Variants in GRM1 observed in about 807,000 individuals in gnomAD.
The protein encoded by GRM1 is glutamate metabotropic receptor 1.
Under a neutral mutation model 90.9 loss-of-function variants are expected in GRM1, and 33 were observed. The ratio of observed to expected loss-of-function variants is 0.36; its 90% CI spans 0.28 to 0.49. GRM1 has a LOEUF of 0.49. Ranked by LOEUF, GRM1 falls within the 20% of genes least tolerant of loss-of-function variation. GRM1 has a pLI of 0.99. For synonymous variants in GRM1, 700 were observed against 613.2 expected, an observed-to-expected ratio of 1.14 and a Z score of -2.09; for missense variants, 1,190 against 1,534.3, an observed-to-expected ratio of 0.78 and a Z score of 3.75.
chr6:146,270,098 G>A (rs1167213001), intron 2 of GRM1, among the ~76,000 whole-genome samples: 1 of 151,858 alleles, frequency 6.6e-6, no homozygotes, highest in Non-Finnish European at 1.5e-5. Context: ...CCATCACAAG[G>A]GCCTGCTAGC....
chr6:146,434,428 C>T lies in GRM1; in HGVS notation c.3217C>T (p.Gln1073Ter). Residue 1073 changes from glutamine to a stop codon, truncating the protein, a stop_gained, in exon 8 of 8, where the codon CAG becomes TAG. Transcript: ENST00000282753. LOFTEE classifies it high-confidence loss of function. ...RSLYPPPPPP[Q>*]HLQMLPLQLS... ...CCTGTACCCGCCCCCGCCACCTCCG[C>T]AGCACCTGCAGATGCTGCCGCTGCA... is the stretch of plus-strand genomic sequence containing the variant. 1 of 1,613,806 alleles carries T rather than the reference C, an allele frequency of 6.2e-7. No individual in the cohort carries two copies. Among genetic ancestry groups the T allele is most frequent in the Non-Finnish European group, 8.5e-7 (1 of 1,179,904 alleles).
Position 146,434,080 on chromosome 6 carries a change from G to C in GRM1, c.2869G>C (p.Val957Leu). ...TACCAGCACCAAGACCCTTTACAACGTAGAGGAGGAGGAGGATGCCCAGCC... is the reference window on the plus strand; with the variant it reads ...TACCAGCACCAAGACCCTTTACAACCTAGAGGAGGAGGAGGATGCCCAGCC... ...SDTSTKTLYN[V>L]EEEEDAQPIR... Residue 957 changes from valine (V) to leucine (L), a missense_variant, in exon 8 of 8, where the codon GTA becomes CTA. By Grantham distance (32) the Val-to-Leu change is conservative (BLOSUM62 1). Coordinates refer to ENST00000282753, the MANE Select transcript of GRM1 (RefSeq NM_001278064.2). The C allele has an allele frequency of 6.2e-7, 1 of 1,614,152 alleles. No homozygotes were observed. Among genetic ancestry groups the C allele is most frequent in the Non-Finnish European group, 8.5e-7 (1 of 1,180,012 alleles).
chr6:146,343,443 G>C (rs886209363), intron 3 of GRM1, among the ~76,000 whole-genome samples: 3 of 151,976 alleles, frequency 2.0e-5, no homozygotes, highest in African/African-American at 7.3e-5. Context: ...AAATTCTCCT[G>C]TGTAGATTTG....
chr6:146,032,974 C>A (rs1204773787), intron 1 of GRM1, among the ~76,000 whole-genome samples: 1 of 151,820 alleles, frequency 6.6e-6, no homozygotes, highest in African/African-American at 2.4e-5. Context: ...GTGTTTTAAC[C>A]AGTTACAATT....
intron 2 of GRM1, among the ~76,000 whole-genome samples, chr6:146,210,231 G>A (rs1379446465): frequency 6.6e-6 from 1 of 152,138 alleles, no homozygotes; most frequent in African/African-American, 2.4e-5. Context: ...CGGAAGCTTT[G>A]CAATTTGTCC....
intron 1 of GRM1, among the ~76,000 whole-genome samples, chr6:146,056,428 T>C (rs575685765): frequency 3.3e-5 from 5 of 152,258 alleles, no homozygotes; most frequent in South Asian, 4.1e-4. Flanking sequence ...CAGCAACTAA[T>C]TAATTTTTTG....
At chr6:146,239,071 A>G (rs1780754671) in intron 2 of GRM1, among the ~76,000 whole-genome samples, 1 of 152,186 alleles carries the variant, frequency 6.6e-6, no homozygotes, top group African/African-American at 2.4e-5. Context: ...ATATCATGCC[A>G]TTCTTCTACA....
At chr6:146,395,949 G>A (rs781739560) in intron 6 of GRM1, among the ~76,000 whole-genome samples, 54 of 151,994 alleles carry the variant, frequency 3.6e-4, no homozygotes, top group Non-Finnish European at 8.8e-5. Context: ...ATTCACTGTG[G>A]TATTTTATCT....
intron 1 of GRM1, among the ~76,000 whole-genome samples, chr6:146,052,332 G>A (rs543950407): frequency 4.3e-4 from 66 of 151,746 alleles, no homozygotes; most frequent in Non-Finnish European, 3.1e-4. Flanking sequence ...TTTGTTTAGG[G>A]CACTGGTTGT....
intron 1 of GRM1, among the ~76,000 whole-genome samples, chr6:146,105,222 G>T (rs908071705): frequency 2.6e-5 from 4 of 152,062 alleles, no homozygotes; most frequent in African/African-American, 9.7e-5. Context: ...TGATTGTCCT[G>T]GGTTGAGAAA....
chr6:146,215,176 C>T (rs1025664657), intron 2 of GRM1, among the ~76,000 whole-genome samples: 7 of 152,144 alleles, frequency 4.6e-5, no homozygotes, highest in Non-Finnish European at 7.3e-5. Flanking sequence ...GTCTGGCTTT[C>T]CAGAGTAACC....
chr6:146,380,712 A>G (rs954152088), intron 5 of GRM1, among the ~76,000 whole-genome samples: 4 of 152,018 alleles, frequency 2.6e-5, no homozygotes, highest in Non-Finnish European at 4.4e-5. Flanking sequence ...CATATCCACC[A>G]CAGCTGGTAA....
intron 2 of GRM1, among the ~76,000 whole-genome samples, chr6:146,245,828 A>G (rs1040546680): frequency 1.3e-5 from 2 of 152,184 alleles, no homozygotes; most frequent in Non-Finnish European, 2.9e-5. Context: ...TCAACTGTCT[A>G]TTATTTGTGG....
chr6:146,311,443 A>G (rs981728869), intron 3 of GRM1, among the ~76,000 whole-genome samples: 2 of 152,234 alleles, frequency 1.3e-5, no homozygotes, highest in Non-Finnish European at 2.9e-5. Context: ...TGGACCTTAT[A>G]ATTTCTCAGA....
Position 146,093,890 on chromosome 6 carries a change from G to A in GRM1, c.700+63673G>A, listed in dbSNP as rs983978840. 2.0e-5 allele frequency among the ~76,000 whole-genome samples: 3 copies of A among 151,952 alleles called. No individual in the cohort carries two copies. In the South Asian group the frequency reaches 6.2e-4, roughly 32 times the overall value. ...CGATTTTCTCCTACTCGAATAACAGGGGAATGAATATTAAAACTGTATTAA... is the reference window on the plus strand; with the variant it reads ...CGATTTTCTCCTACTCGAATAACAGAGGAATGAATATTAAAACTGTATTAA... On this transcript the variant is annotated intron_variant, in intron 1 of 7. Coordinates refer to ENST00000282753, the MANE Select transcript of GRM1 (RefSeq NM_001278064.2).
chr6:146,054,534 A>G (rs1775411529), intron 1 of GRM1, among the ~76,000 whole-genome samples: 1 of 152,040 alleles, frequency 6.6e-6, no homozygotes, highest in South Asian at 2.1e-4. Flanking sequence ...GCAGTAAAAT[A>G]TTCTATCCAT....
At chr6:146,168,721 A>G (rs1777998142) in intron 2 of GRM1, among the ~76,000 whole-genome samples, 1 of 152,096 alleles carries the variant, frequency 6.6e-6, no homozygotes, top group Non-Finnish European at 1.5e-5. Context: ...TGCCTAGTAT[A>G]GAATTCTAGG....
At position 146,352,449 on chromosome 6, in the gene GRM1, A is replaced by G. The variant is rs1267447372; in HGVS notation, c.1386A>G (p.Val462=). Residue 462 remains valine, a synonymous_variant, in exon 4 of 8, where the codon GTA becomes GTG. Transcript: ENST00000282753. ...DFLIKSSFIG[V]SGEEVWFDEK... ...TCATCAAGTCCTCATTCATTGGAGT[A>G]TCTGGAGAGGAGGTGTGGTTTGATG... The G allele has an allele frequency of 1.2e-6, 2 of 1,613,808 alleles. No homozygotes were observed. Among genetic ancestry groups the G allele is most frequent in the South Asian group, 1.1e-5 (1 of 91,066 alleles).
intron 1 of GRM1, among the ~76,000 whole-genome samples, chr6:146,037,861 T>C (rs148610010): frequency 6.6e-6 from 1 of 152,114 alleles, no homozygotes; most frequent in Non-Finnish European, 1.5e-5. Context: ...GCCTCTCCTT[T>C]TCTTCAACTT....
Sources: allele counts gnomAD v4.1 joint callset (sites outside exome capture counted in the v4.1 genomes callset), GRCh38; gene constraint gnomAD v4.1.1; transcripts MANE v1.5; gene names NCBI Gene and HGNC (gene_info 2026-07-23, HGNC 2026-07-21).